COL8A1: variants seen among roughly 807,000 people sequenced by gnomAD.
The protein encoded by COL8A1 is collagen type VIII alpha 1 chain, also known as collagen alpha-1(VIII) chain.
A neutral mutation model predicts 42.7 loss-of-function variants in COL8A1; 21 were observed. The ratio of observed to expected loss-of-function variants is 0.49; its 90% CI spans 0.35 to 0.71. The LOEUF is 0.71. COL8A1 is among the 30% of genes least tolerant of loss of function. The pLI, the probability that COL8A1 is intolerant of heterozygous loss-of-function variation, is 0.01. For missense variants in COL8A1, 788 were observed against 962.4 expected (o/e 0.82, Z 2.40); for synonymous variants, 367 against 369.1 (o/e 0.99, Z 0.06).
At chr3:99,639,254 A>G (rs1453584152) in intron 1 of COL8A1, among the ~76,000 whole-genome samples, 1 of 152,196 alleles carries the variant, frequency 6.6e-6, no homozygotes, top group Non-Finnish European at 1.5e-5. Flanking sequence ...AACAAATCCA[A>G]ATTCACAAGC....
intron 1 of COL8A1, chr3:99,680,574 G>C (rs991804974): frequency 2.0e-5 from 3 of 152,132 alleles, no homozygotes; most frequent in Admixed American, 2.0e-4. Flanking sequence ...TCGCCACACT[G>C]TCTTCCACAA....
At position 99,771,792 on chromosome 3, in the gene COL8A1, C is replaced by A. The variant is rs147207853; in HGVS notation, c.-3-18888C>A. Among the ~76,000 whole-genome samples the A allele has an allele frequency of 7.0e-3, 1,064 of 152,246 alleles. 12 individuals are homozygous for A. The highest frequency in any genetic ancestry group is 0.024 in the African/African-American group (983 of 41,528). On this transcript the variant is annotated intron_variant, in intron 2 of 3. Transcript: ENST00000652472. ...GTTTTCAAGGGATCTTAGCTCACCC[C>A]CTCTGTAGGATGAGGTGTCCATATG...
chr3:99,648,724 G>C (rs1937736282), intron 1 of COL8A1, among the ~76,000 whole-genome samples: 1 of 152,118 alleles, frequency 6.6e-6, no homozygotes, highest in Non-Finnish European at 1.5e-5. Context: ...GATTCTATGA[G>C]AAACACTAGA....
chr3:99,782,753 T>C (rs536938363), intron 2 of COL8A1, among the ~76,000 whole-genome samples: 1 of 152,136 alleles, frequency 6.6e-6, no homozygotes, highest in Non-Finnish European at 1.5e-5. Context: ...CAAAAAACTT[T>C]AGAAGTAGAA....
intron 1 of COL8A1, among the ~76,000 whole-genome samples, chr3:99,699,921 C>T (rs1435553617): frequency 1.3e-5 from 2 of 152,100 alleles, no homozygotes; most frequent in Non-Finnish European, 2.9e-5. Flanking sequence ...GAGTCCTGCT[C>T]ATAATGTGTG....
chr3:99,692,212 A>G (rs1559780382), intron 1 of COL8A1, among the ~76,000 whole-genome samples: 1 of 152,178 alleles, frequency 6.6e-6, no homozygotes, highest in Non-Finnish European at 1.5e-5. Flanking sequence ...ACATACATCC[A>G]TGGTACAAGA....
chr3:99,640,459 AG>A (rs1380425252), intron 1 of COL8A1, among the ~76,000 whole-genome samples: 6 of 152,196 alleles, frequency 3.9e-5, no homozygotes, highest in Admixed American at 6.5e-5. Flanking sequence ...GATCCCCTTG[AG>A]GGAAGTTATC....
At chr3:99,673,427 A>C (rs1453941103) in intron 1 of COL8A1, among the ~76,000 whole-genome samples, 1 of 152,072 alleles carries the variant, frequency 6.6e-6, no homozygotes, top group Non-Finnish European at 1.5e-5. Context: ...TTCCTTTCAA[A>C]ATCCATTATG....
chr3:99,642,427 C>A (rs1029206615), intron 1 of COL8A1, among the ~76,000 whole-genome samples: 1 of 152,052 alleles, frequency 6.6e-6, no homozygotes, highest in South Asian at 2.1e-4. Flanking sequence ...AAAAAGTGTT[C>A]ACCAAAACTG....
In COL8A1 at chr3:99,795,869, G is replaced by C; in HGVS notation, c.1968G>C (p.Glu656Asp). ...YNPQTGIFTC[E>D]VPGVYYFAYH... ...CGCAGACAGGCATCTTCACCTGTGAGGTCCCTGGTGTCTACTACTTTGCAT... is the reference window on the plus strand; with the variant it reads ...CGCAGACAGGCATCTTCACCTGTGACGTCCCTGGTGTCTACTACTTTGCAT... Residue 656 changes from glutamate (E) to aspartate (D), a missense_variant, in exon 4 of 4, where the codon GAG becomes GAC. Physicochemically the swap from Glu to Asp is conservative, Grantham distance 45 (BLOSUM62 2). Transcript: ENST00000652472. 1 of 1,614,206 alleles carries C rather than the reference G, an allele frequency of 6.2e-7. No individual in the cohort carries two copies. Among genetic ancestry groups the C allele is most frequent in the Non-Finnish European group, 8.5e-7 (1 of 1,180,040 alleles).
intron 1 of COL8A1, among the ~76,000 whole-genome samples, chr3:99,696,119 G>A (rs1939360090): frequency 6.6e-6 from 1 of 152,208 alleles, no homozygotes; most frequent in African/African-American, 2.4e-5. Context: ...GGGCGACAGA[G>A]TGAGGCTCCA....
intron 1 of COL8A1, among the ~76,000 whole-genome samples, chr3:99,644,019 T>C (rs918882827): frequency 3.3e-5 from 5 of 151,902 alleles, no homozygotes; most frequent in African/African-American, 1.2e-4. Flanking sequence ...AGGGGAGAGG[T>C]GATCAAGGGA....
At chr3:99,688,652 C>T (rs1939132253) in intron 1 of COL8A1, among the ~76,000 whole-genome samples, 1 of 152,140 alleles carries the variant, frequency 6.6e-6, no homozygotes, top group Admixed American at 6.5e-5. Context: ...GTTCATTATT[C>T]AGCATACCAC....
Position 99,773,835 on chromosome 3 carries a change from A to ATT in COL8A1, c.-3-16844_-3-16843insTT, listed in dbSNP as rs1300546434. 2.2e-3 allele frequency among the ~76,000 whole-genome samples: 156 copies of ATT among 70,334 alleles called. 1 individual carries two copies. The highest frequency in any genetic ancestry group is 4.8e-3 in the African/African-American group (65 of 13,424). The allele number at this position is 70,334 out of a possible 152,430, so 46.1% of individuals were successfully genotyped here. The stretch of plus-strand genomic sequence containing the variant: ...TGTGTGTATATATATATATATATAT[A>ATT]TATTTTTTTTTTTTTTTTTTTTTTT... On this transcript the variant is annotated intron_variant, in intron 2 of 3. Coordinates refer to ENST00000652472, the MANE Select transcript of COL8A1 (RefSeq NM_020351.4).
At chr3:99,738,298 A>T (rs2452319) in intron 1 of COL8A1, among the ~76,000 whole-genome samples, 1 of 152,116 alleles carries the variant, frequency 6.6e-6, no homozygotes, top group Non-Finnish European at 1.5e-5. Context: ...GAGGAGAGGC[A>T]CTCTGATTTT....
At chr3:99,720,621 A>G (rs80049860) in intron 1 of COL8A1, among the ~76,000 whole-genome samples, 17 of 152,288 alleles carry the variant, frequency 1.1e-4, no homozygotes, top group African/African-American at 4.1e-4. Flanking sequence ...ATATAAACAT[A>G]TCATGCAAGC....
At chr3:99,788,138 A>G (rs568300103) in intron 2 of COL8A1, among the ~76,000 whole-genome samples, 5 of 152,336 alleles carry the variant, frequency 3.3e-5, no homozygotes, top group Non-Finnish European at 5.9e-5. Context: ...CCTCAGGGAC[A>G]GGAGAAAAAT....
In COL8A1 at chr3:99,795,290, A is replaced by G. The variant is rs546117987; in HGVS notation, c.1389A>G (p.Glu463=). 39 of 1,611,788 alleles carry G rather than the reference A, an allele frequency of 2.4e-5. No homozygotes were observed. The South Asian group carries it at 3.9e-4, about 16-fold the overall frequency. ...CAGGTCCCATAGGGCCCAAGGGGGA[A>G]GCTGGGCAAAAAGGTGTACCAGGAC... ...GLPGPIGPKG[E]AGQKGVPGLP... Residue 463 remains glutamate (E), a synonymous_variant, in exon 4 of 4, where the codon GAA becomes GAG. Coordinates refer to ENST00000652472, the MANE Select transcript of COL8A1 (RefSeq NM_020351.4).
chr3:99,741,215 A>G (rs1296982141), intron 1 of COL8A1, among the ~76,000 whole-genome samples: 1 of 152,160 alleles, frequency 6.6e-6, no homozygotes, highest in African/African-American at 2.4e-5. Flanking sequence ...TATGTTTATT[A>G]GCTTTTTAAT....
Sources: allele counts gnomAD v4.1 joint callset (sites outside exome capture counted in the v4.1 genomes callset), GRCh38; gene constraint gnomAD v4.1.1; transcripts MANE v1.5; gene names NCBI Gene and HGNC (gene_info 2026-07-23, HGNC 2026-07-21).